The following SH3RF3 variants were observed in gnomAD, a reference collection of about 807,000 sequenced individuals.
SH3RF3 encodes SH3 domain containing ring finger 3.
Under a neutral mutation model 66.3 loss-of-function variants are expected in SH3RF3, and 29 were observed. The ratio of observed to expected loss-of-function variants is 0.44; its 90% CI spans 0.33 to 0.60. The LOEUF (loss-of-function observed/expected upper bound fraction) is 0.60. Among genes scored for constraint, SH3RF3 ranks in the 20% least tolerant of loss-of-function variants. The probability of loss-of-function intolerance (pLI) is 0.04; values close to 1 mark genes in which losing one functional copy is unlikely to be tolerated. For synonymous variants in SH3RF3, 583 were observed against 532.0 expected, an observed-to-expected ratio of 1.10 and a Z score of -1.32; for missense variants, 1,194 against 1,190.9, an observed-to-expected ratio of 1.00 and a Z score of -0.04.
At chr2:109,337,878 C>T (rs1202425186) in intron 1 of SH3RF3, among the ~76,000 whole-genome samples, 1 of 152,016 alleles carries the variant, frequency 6.6e-6, no homozygotes, top group African/African-American at 2.4e-5. Flanking sequence ...CAGGCATGCA[C>T]CACCACGCCT....
At chr2:109,432,448 C>G (rs1677258816) in intron 5 of SH3RF3, 53 bp from the exon 6 acceptor site, 3 of 1,602,006 alleles carry the variant, frequency 1.9e-6, no homozygotes, top group Admixed American at 3.4e-5. Flanking sequence ...GCCGGCCGGT[C>G]CCCTATCCCC....
At chr2:109,392,068 G>A (rs763760013) in intron 3 of SH3RF3, among the ~76,000 whole-genome samples, 1 of 151,988 alleles carries the variant, frequency 6.6e-6, no homozygotes, top group Non-Finnish European at 1.5e-5. Flanking sequence ...AGCCTGCCTC[G>A]GCCTCCCAAA....
chr2:109,185,645 T>C (rs1207853630), intron 1 of SH3RF3, among the ~76,000 whole-genome samples: 1 of 152,082 alleles, frequency 6.6e-6, no homozygotes, highest in Non-Finnish European at 1.5e-5. Context: ...AGGACAGCCC[T>C]CAGACACTCC....
chr2:109,269,107 G>A (rs1372069180), intron 1 of SH3RF3, among the ~76,000 whole-genome samples: 2 of 152,196 alleles, frequency 1.3e-5, no homozygotes, highest in South Asian at 2.1e-4. Context: ...AGGGCCGCAC[G>A]TGGATTTTGT....
intron 1 of SH3RF3, among the ~76,000 whole-genome samples, chr2:109,291,896 G>T (rs184648790): frequency 6.6e-6 from 1 of 152,166 alleles, no homozygotes; most frequent in African/African-American, 2.4e-5. Flanking sequence ...ATGGAGTCTC[G>T]CTCTGTTGCC....
chr2:109,287,983 G>A (rs1400827407), intron 1 of SH3RF3, among the ~76,000 whole-genome samples: 3 of 152,230 alleles, frequency 2.0e-5, no homozygotes, highest in Non-Finnish European at 4.4e-5. Context: ...TATTTGAAAG[G>A]CGAAGTGAGC....
chr2:109,199,587 T>TC (rs1558953897), intron 1 of SH3RF3, among the ~76,000 whole-genome samples: 3 of 970 alleles, frequency 3.1e-3, no homozygotes, highest in African/African-American at 6.2e-3. Flanking sequence ...TGGAATGGAA[T>TC]GGAATGGAAT....
rs1474228494 is a variant in SH3RF3, at chr2:109,157,421, T to C, written c.573+27308T>C. ...TTTAAAAAGGTGAATATGTGTAATG[T>C]TGCCTTGAATATAAATGACATTTTC... On this transcript the variant is annotated intron_variant, in intron 1 of 9. Transcript: ENST00000309415. 2.0e-5 allele frequency among the ~76,000 whole-genome samples: 3 copies of C among 152,254 alleles called. No individual in the cohort carries two copies. In the East Asian group the frequency reaches 5.8e-4, roughly 29 times the overall value.
rs568531250 is a variant in SH3RF3 at position 109,296,397 on chromosome 2, T to G, written c.574-51277T>G. On this transcript the variant is annotated intron_variant, in intron 1 of 9. Transcript: ENST00000309415. ...TGTGCACCACCACACCCAGTTTTTTTTTTGTGTGTGTGTTTTTTATTGTTA... is the reference window on the plus strand; with the variant it reads ...TGTGCACCACCACACCCAGTTTTTTGTTTGTGTGTGTGTTTTTTATTGTTA... Among the ~76,000 whole-genome samples the G allele has an allele frequency of 2.2e-4, 33 of 151,792 alleles. No individual in the cohort carries two copies. The East Asian group carries it at 3.5e-3, about 16-fold the overall frequency.
intron 5 of SH3RF3, 70 bp from the exon 6 acceptor site, chr2:109,432,431 C>CG: frequency 6.3e-7 from 1 of 1,575,974 alleles, no homozygotes. Context: ...AACCTCCCCC[C>CG]AGGAATGCCG....
chr2:109,282,433 CT>C (rs1462470127), intron 1 of SH3RF3, among the ~76,000 whole-genome samples: 6 of 152,196 alleles, frequency 3.9e-5, no homozygotes, highest in Non-Finnish European at 8.8e-5. Flanking sequence ...TAGGAATCTT[CT>C]GGTCCTGCTC....
chr2:109,275,848 T>C (rs2105330037), intron 1 of SH3RF3, among the ~76,000 whole-genome samples: 1 of 152,306 alleles, frequency 6.6e-6, no homozygotes, highest in South Asian at 2.1e-4. Context: ...TCTAGGATTT[T>C]CCCTTCAAGG....
intron 8 of SH3RF3, among the ~76,000 whole-genome samples, chr2:109,489,121 T>G (rs1679059134): frequency 6.6e-6 from 1 of 152,244 alleles, no homozygotes; most frequent in Non-Finnish European, 1.5e-5. Context: ...GGATCCACAC[T>G]TGCCCAGGGC....
chr2:109,492,462 T>A (rs1362201935), intron 9 of SH3RF3, among the ~76,000 whole-genome samples: 1 of 152,096 alleles, frequency 6.6e-6, no homozygotes, highest in Non-Finnish European at 1.5e-5. Flanking sequence ...AGCTGGGTGT[T>A]CTGCACAGGG....
chr2:109,173,566 G>A (rs987037600), intron 1 of SH3RF3, among the ~76,000 whole-genome samples: 1 of 152,130 alleles, frequency 6.6e-6, no homozygotes, highest in Non-Finnish European at 1.5e-5. Context: ...CAGCAGAGCT[G>A]GTGGCTGCGG....
chr2:109,287,856 A>T (rs1369706035), intron 1 of SH3RF3, among the ~76,000 whole-genome samples: 2 of 152,138 alleles, frequency 1.3e-5, no homozygotes, highest in African/African-American at 4.8e-5. Flanking sequence ...AACCCCACTC[A>T]TAGTCCTATA....
intron 2 of SH3RF3, among the ~76,000 whole-genome samples, chr2:109,353,251 T>A (rs2105588171): frequency 6.6e-6 from 1 of 152,304 alleles, no homozygotes; most frequent in East Asian, 1.9e-4. Context: ...TGGTGGGTTC[T>A]CCCTGCAGCC....
intron 1 of SH3RF3, among the ~76,000 whole-genome samples, chr2:109,226,996 C>A (rs1679388804): frequency 6.6e-6 from 1 of 152,158 alleles, no homozygotes; most frequent in Admixed American, 6.5e-5. Flanking sequence ...CTCTTTCTAG[C>A]TCTGGGTCCC....
At chr2:109,402,096 G>A (rs1447634509) in intron 4 of SH3RF3, among the ~76,000 whole-genome samples, 2 of 152,250 alleles carry the variant, frequency 1.3e-5, no homozygotes, top group African/African-American at 4.8e-5. Context: ...GTGCAGGTGT[G>A]AGCTGTGTAT....
Sources: allele counts gnomAD v4.1 joint callset (sites outside exome capture counted in the v4.1 genomes callset), GRCh38; gene constraint gnomAD v4.1.1; transcripts MANE v1.5; gene names NCBI Gene and HGNC (gene_info 2026-07-23, HGNC 2026-07-21).